MALRD1: variants seen among roughly 807,000 people sequenced by gnomAD.
MALRD1 encodes MAM and LDL-receptor class A domain-containing protein 1.
A neutral mutation model predicts 242.1 loss-of-function variants in MALRD1; 247 were observed. The ratio of observed to expected loss-of-function variants is 1.02; its 90% confidence interval spans 0.92 to 1.13. The LOEUF (loss-of-function observed/expected upper bound fraction) is 1.13. MALRD1 is among the 50% of genes most tolerant of loss of function. MALRD1 has a pLI of 0.00. For synonymous variants in MALRD1, 995 were observed against 866.6 expected (o/e 1.15, Z -2.60); for missense variants, 2,989 against 2,533.1 (o/e 1.18, Z -3.86).
chr10:19,543,650 T>C (rs1835082516), intron 32 of MALRD1, among the ~76,000 whole-genome samples: 1 of 152,068 alleles, frequency 6.6e-6, no homozygotes, highest in Admixed American at 6.6e-5. Context: ...ATTAACCTAA[T>C]AATGCCACAC....
In MALRD1 at chr10:19,730,780, A is replaced by G. The variant is rs769788442; in HGVS notation, c.6389A>G (p.Glu2130Gly). The change falls in exon 39 of 40, where the codon GAG becomes GGG. Residue 2130 changes from glutamate (E) to glycine (G), a missense_variant and splice_region_variant. Coordinates refer to ENST00000454679, the MANE Select transcript of MALRD1 (RefSeq NM_001142308.3). Reference sequence around the variant, plus strand: ...AACTGGAGCAACCCAGAGAAAACAGAGGTAAGTGGCAAGGGTGAACTATAT... The same window carrying G: ...AACTGGAGCAACCCAGAGAAAACAGGGGTAAGTGGCAAGGGTGAACTATAT... ...YGNWSNPEKTESSVYSFSNPL... is the reference protein window; with the variant it reads ...YGNWSNPEKTGSSVYSFSNPL... 8 of 1,536,452 alleles carry G rather than the reference A, an allele frequency of 5.2e-6. No homozygotes were observed. The highest frequency in any genetic ancestry group is 6.1e-6 in the Non-Finnish European group (7 of 1,146,934).
chr10:19,669,486 G>C (rs959647785), intron 36 of MALRD1, among the ~76,000 whole-genome samples: 3 of 152,154 alleles, frequency 2.0e-5, no homozygotes, highest in Non-Finnish European at 4.4e-5. Flanking sequence ...TCAGGTTGGA[G>C]CAAAGGGACA....
intron 26 of MALRD1, among the ~76,000 whole-genome samples, chr10:19,373,875 A>G (rs1333832594): frequency 2.6e-5 from 4 of 152,198 alleles, no homozygotes; most frequent in African/African-American, 9.6e-5. Flanking sequence ...TTTTCACTAG[A>G]TATACAAGAA....
chr10:19,518,523 T>C (rs1833737919), intron 31 of MALRD1, among the ~76,000 whole-genome samples: 1 of 152,230 alleles, frequency 6.6e-6, no homozygotes, highest in South Asian at 2.1e-4. Context: ...ACCTGTGAGA[T>C]AGTATTTATG....
At chr10:19,216,072 T>A (rs1837299690) in intron 18 of MALRD1, among the ~76,000 whole-genome samples, 1 of 151,236 alleles carries the variant, frequency 6.6e-6, no homozygotes, top group Non-Finnish European at 1.5e-5. Context: ...TTCTGCTGAT[T>A]AAGTAATACT....
intron 38 of MALRD1, among the ~76,000 whole-genome samples, chr10:19,699,173 C>T (rs182401703): frequency 3.3e-5 from 5 of 151,408 alleles, no homozygotes; most frequent in African/African-American, 4.9e-5. Flanking sequence ...AAAACCTGCA[C>T]GTTCTGCAGA....
intron 33 of MALRD1, among the ~76,000 whole-genome samples, chr10:19,575,619 C>T (rs891793091): frequency 6.6e-6 from 1 of 152,046 alleles, no homozygotes; most frequent in Admixed American, 6.6e-5. Context: ...TAAAGAAGGC[C>T]TCAAAAATCT....
intron 18 of MALRD1, 28 bp downstream of exon 18, chr10:19,209,708 A>T (rs1836956545): frequency 6.7e-7 from 1 of 1,489,840 alleles, no homozygotes. Flanking sequence ...TATAATGTAC[A>T]TTTGAAATGC....
At chr10:19,596,453 G>A (rs555481622) in intron 34 of MALRD1, among the ~76,000 whole-genome samples, 76 of 152,236 alleles carry the variant, frequency 5.0e-4, no homozygotes, top group Non-Finnish European at 6.6e-4. Context: ...AATGAGGCTG[G>A]GTGCAGTGGC....
chr10:19,284,162 C>T (rs1840974479), intron 21 of MALRD1, among the ~76,000 whole-genome samples: 2 of 151,914 alleles, frequency 1.3e-5, no homozygotes, highest in South Asian at 4.2e-4. Flanking sequence ...ACTATTAAGG[C>T]TTTTGTCCAT....
At chr10:19,342,657 G>A (rs904782535) in intron 24 of MALRD1, among the ~76,000 whole-genome samples, 2 of 152,112 alleles carry the variant, frequency 1.3e-5, no homozygotes. Flanking sequence ...ATGTTATTAA[G>A]CATGGACTGA....
chr10:19,055,822 G>A (rs1415393191), intron 1 of MALRD1, among the ~76,000 whole-genome samples: 1 of 152,164 alleles, frequency 6.6e-6, no homozygotes, highest in Non-Finnish European at 1.5e-5. Context: ...ACAAAGAGAG[G>A]AACAACAGAC....
intron 2 of MALRD1, among the ~76,000 whole-genome samples, chr10:19,080,117 G>A (rs1292393013): frequency 6.6e-6 from 1 of 151,984 alleles, no homozygotes; most frequent in Non-Finnish European, 1.5e-5. Flanking sequence ...AGAAATCAGA[G>A]AAGACACAAA....
At chr10:19,218,101 C>A (rs565937992) in intron 18 of MALRD1, among the ~76,000 whole-genome samples, 1 of 151,752 alleles carries the variant, frequency 6.6e-6, no homozygotes, top group Non-Finnish European at 1.5e-5. Flanking sequence ...GCTAGTATGT[C>A]GGCTCATTTA....
intron 18 of MALRD1, among the ~76,000 whole-genome samples, chr10:19,256,388 TTG>T (rs1299706576): frequency 6.6e-6 from 1 of 152,130 alleles, no homozygotes; most frequent in African/African-American, 2.4e-5. Context: ...TTGAAAATAA[TTG>T]TATGAGTTTG....
intron 31 of MALRD1, among the ~76,000 whole-genome samples, chr10:19,529,855 A>C (rs1834274235): frequency 1.3e-5 from 2 of 152,084 alleles, no homozygotes; most frequent in Non-Finnish European, 1.5e-5. Flanking sequence ...GATTACAGGA[A>C]TAAAAAGAAA....
chr10:19,589,566 T>G (rs1837651439), intron 33 of MALRD1, among the ~76,000 whole-genome samples: 1 of 152,332 alleles, frequency 6.6e-6, no homozygotes, highest in South Asian at 2.1e-4. Context: ...TTTGTTCTTC[T>G]CACCCCAGCA....
Position 19,201,439 on chromosome 10 carries a change from A to G in MALRD1, c.1952-2289A>G, listed in dbSNP as rs561516625. Among the ~76,000 whole-genome samples the G allele has an allele frequency of 9.8e-5, 15 of 152,330 alleles. No individual in the cohort carries two copies. In the South Asian group the frequency reaches 2.5e-3, roughly 25 times the overall value. On this transcript the variant is annotated intron_variant, in intron 14 of 39. Transcript: ENST00000454679. The stretch of plus-strand genomic sequence containing the variant: ...AATATTCACTTATTTCTATAGCAAT[A>G]TCTCCCTGGATAGCAGATAATAAGG...
At chr10:19,501,805 G>A (rs983842534) in intron 31 of MALRD1, among the ~76,000 whole-genome samples, 2 of 152,078 alleles carry the variant, frequency 1.3e-5, no homozygotes, top group African/African-American at 4.8e-5. Context: ...GCTGAGGCAG[G>A]AGGATTGCTT....
Sources: gnomAD v4.1 joint callset for allele counts (sites outside exome capture counted in the v4.1 genomes callset) on GRCh38, gnomAD v4.1.1 for gene constraint, MANE v1.5 for transcripts, NCBI Gene and HGNC (gene_info 2026-07-23, HGNC 2026-07-21) for gene names.